NR3C1: variants seen among roughly 807,000 people sequenced by gnomAD.
The protein encoded by NR3C1 is glucocorticoid receptor.
Under a neutral mutation model 74.0 loss-of-function variants are expected in NR3C1, and 14 were observed. The ratio of observed to expected loss-of-function variants is 0.19; its 90% CI spans 0.12 to 0.30. NR3C1 has a LOEUF of 0.30. Among genes scored for constraint, NR3C1 ranks in the 10% least tolerant of loss-of-function variants. The pLI is 1.00. For synonymous variants in NR3C1, 308 were observed against 332.5 expected (o/e 0.93, Z 0.80); for missense variants, 695 against 909.8 (o/e 0.76, Z 3.04).
At chr5:143,289,914 T>A (rs1815462814) in intron 7 of NR3C1, among the ~76,000 whole-genome samples, 1 of 152,170 alleles carries the variant, frequency 6.6e-6, no homozygotes, top group South Asian at 2.1e-4. Flanking sequence ...AAAATAAATT[T>A]AAACACACAC....
chr5:143,369,571 A>G (rs1202194301), intron 2 of NR3C1, among the ~76,000 whole-genome samples: 1 of 152,226 alleles, frequency 6.6e-6, no homozygotes, highest in Non-Finnish European at 1.5e-5. Flanking sequence ...CCTTGAAAAC[A>G]TGTTAAGTGA....
Position 143,341,025 on chromosome 5 carries a change from C to A in NR3C1, c.1185-26857G>T, listed in dbSNP as rs145595735. On this transcript the variant is annotated intron_variant, in intron 2 of 8. Coordinates refer to ENST00000394464, the MANE Select transcript of NR3C1 (RefSeq NM_000176.3). ...AATATGAATAATGAAGGTAGCTCAG[C>A]CAATAAAACTGAATCAGTTCTTCAG... Among the ~76,000 whole-genome samples the A allele has an allele frequency of 4.4e-3, 673 of 152,198 alleles. 8 individuals are homozygous for A. The highest frequency in any genetic ancestry group is 0.015 in the African/African-American group (641 of 41,528).
chr5:143,364,143 C>T (rs959803909), intron 2 of NR3C1, among the ~76,000 whole-genome samples: 6 of 152,216 alleles, frequency 3.9e-5, no homozygotes, highest in Non-Finnish European at 8.8e-5. Flanking sequence ...GAAAGCAGCA[C>T]GACAAGCAAG....
intron 2 of NR3C1, among the ~76,000 whole-genome samples, chr5:143,376,198 G>T (rs1025706035): frequency 3.3e-5 from 5 of 152,192 alleles, no homozygotes; most frequent in Admixed American, 3.3e-4. Context: ...TTCACACAAG[G>T]GTAGTGGGAG....
intron 3 of NR3C1, among the ~76,000 whole-genome samples, chr5:143,312,254 T>C (rs1191566313): frequency 6.6e-6 from 1 of 152,152 alleles, no homozygotes; most frequent in African/African-American, 2.4e-5. Flanking sequence ...CTTTCCGTCC[T>C]TTACCAAGAT....
chr5:143,340,742 A>G (rs1188100722), intron 2 of NR3C1, among the ~76,000 whole-genome samples: 1 of 152,068 alleles, frequency 6.6e-6, no homozygotes, highest in African/African-American at 2.4e-5. Context: ...TGGCCTCCCA[A>G]AGTGCTGGGG....
At chr5:143,327,462 A>G (rs1246830642) in intron 2 of NR3C1, among the ~76,000 whole-genome samples, 3 of 152,152 alleles carry the variant, frequency 2.0e-5, no homozygotes, top group African/African-American at 4.8e-5. Flanking sequence ...ACATTTTAAA[A>G]CCAATTATGC....
intron 2 of NR3C1, among the ~76,000 whole-genome samples, chr5:143,365,137 T>C (rs1044646271): frequency 3.3e-5 from 5 of 150,772 alleles, no homozygotes; most frequent in African/African-American, 1.2e-4. Context: ...AGAAAGAAGG[T>C]AGTAATGGAA....
rs756912607 is a variant in NR3C1, at chr5:143,300,770, GTATT to G, written c.1469-11_1469-8del. On this transcript the variant is annotated splice_polypyrimidine_tract_variant and splice_region_variant and intron_variant, in intron 4 of 8. Transcript: ENST00000394464. This position sits in a 1 kb window ranked among gnomAD's most constrained non-coding sequence, Gnocchi z 5.2. The stretch of plus-strand genomic sequence containing the variant: ...TTTTTCTTTGTTTTTCGAGCTGTGG[GTATT>G]TAAACAAATACATAGAAATGAACTG... 137 of 1,612,880 alleles carry G rather than the reference GTATT, an allele frequency of 8.5e-5. No individual in the cohort carries two copies. The African/African-American group carries it at 1.4e-3, about 17-fold the overall frequency.
intron 2 of NR3C1, among the ~76,000 whole-genome samples, chr5:143,317,156 T>C (rs536258362): frequency 4.6e-5 from 7 of 152,152 alleles, no homozygotes; most frequent in African/African-American, 9.6e-5. Flanking sequence ...ATGAACACCA[T>C]TGGAAAAAAT....
At chr5:143,350,128 A>G (rs1829976847) in intron 2 of NR3C1, among the ~76,000 whole-genome samples, 2 of 152,156 alleles carry the variant, frequency 1.3e-5, no homozygotes, top group South Asian at 4.1e-4. Flanking sequence ...AGCCATGGTA[A>G]ACCCTTAGAC....
intron 7 of NR3C1, among the ~76,000 whole-genome samples, chr5:143,286,084 CTT>C (rs1814400371): frequency 6.6e-6 from 1 of 151,174 alleles, no homozygotes; most frequent in Admixed American, 6.6e-5. Flanking sequence ...TTATGAATAA[CTT>C]AACTTTATAC....
At chr5:143,289,393 G>A (rs1045228032) in intron 7 of NR3C1, among the ~76,000 whole-genome samples, 2 of 152,148 alleles carry the variant, frequency 1.3e-5, no homozygotes, top group African/African-American at 4.8e-5. Context: ...TATGGATTTT[G>A]GGGAAGAAAA....
intron 1 of NR3C1, among the ~76,000 whole-genome samples, chr5:143,402,441 C>A (rs1308326906): frequency 6.6e-6 from 1 of 152,176 alleles, no homozygotes; most frequent in African/African-American, 2.4e-5. Context: ...TTGTAAAAAT[C>A]GCAGCACAAA....
At chr5:143,302,706 T>C (rs1048650527) in intron 4 of NR3C1, among the ~76,000 whole-genome samples, 6 of 152,096 alleles carry the variant, frequency 3.9e-5, no homozygotes, top group Admixed American at 1.3e-4. Context: ...GAAAGTACAA[T>C]TGAACCCAAC....
chr5:143,400,652 AC>A lies in NR3C1; in HGVS notation c.187del (p.Val63LeufsTer8). ...GCTTACTGAGCCTTTTGGAAAATCA[AC>A]CAAAAGTCTTCGCTGCTTGGAGTCT... ...QSDSKQRRLLVDFPKGSVSNA... is the reference protein window; with the variant it reads ...QSDSKQRRLLXDFPKGSVSNA... On this transcript the variant is annotated frameshift_variant, in exon 2 of 9. Transcript: ENST00000394464. LOFTEE classifies it high-confidence loss of function. 2 of 1,614,030 alleles carry A rather than the reference AC, an allele frequency of 1.2e-6. No individual in the cohort carries two copies. Among genetic ancestry groups the A allele is most frequent in the Non-Finnish European group, 1.7e-6 (2 of 1,179,870 alleles).
intron 1 of NR3C1, among the ~76,000 whole-genome samples, chr5:143,418,866 C>T (rs1055682506): frequency 2.6e-5 from 4 of 152,156 alleles, no homozygotes; most frequent in East Asian, 1.9e-4. Flanking sequence ...GTGACCTTGA[C>T]CTAGTTACCT....
At position 143,399,759 on chromosome 5, in the gene NR3C1, A is replaced by G; in HGVS notation, c.1081T>C (p.Ser361Pro). 11 of 1,614,162 alleles carry G rather than the reference A, an allele frequency of 6.8e-6. No individual in the cohort carries two copies. Among genetic ancestry groups the G allele is most frequent in the Non-Finnish European group, 9.3e-6 (11 of 1,180,018 alleles). ...CCTTGGCACCTATTCCAATTTTCGG[A>G]ACCAACGGGAATTGGTGGAATGACA... ...FNVIPPIPVG[S>P]ENWNRCQGSG... is the part of the protein sequence containing the mutation. Residue 361 changes from serine (S) to proline (P), a missense_variant, in exon 2 of 9, where the codon TCC becomes CCC. Physicochemically the swap from Ser to Pro is moderately conservative, Grantham distance 74 (BLOSUM62 -1). This residue lies in a region of NR3C1 where 497 missense variants were observed against 489.5 expected (regional missense o/e 1.02). Coordinates refer to ENST00000394464, the MANE Select transcript of NR3C1 (RefSeq NM_000176.3).
At chr5:143,384,958 C>T (rs1159206943) in intron 2 of NR3C1, among the ~76,000 whole-genome samples, 1 of 152,252 alleles carries the variant, frequency 6.6e-6, no homozygotes, top group African/African-American at 2.4e-5. Context: ...GGCTCTGCCC[C>T]TGCAGAATGC....
Sources: gnomAD v4.1 joint callset for allele counts (sites outside exome capture counted in the v4.1 genomes callset) on GRCh38, gnomAD v4.1.1 for gene constraint, gnomAD v4.1.1 regional missense constraint, Gnocchi (gnomAD v3.1) non-coding constraint, MANE v1.5 for transcripts, NCBI Gene and HGNC (gene_info 2026-07-23, HGNC 2026-07-21) for gene names.